Variants in SLC37A1 observed in about 807,000 individuals in gnomAD.
SLC37A1 encodes solute carrier family 37 member 1, also known as glucose-6-phosphate exchanger SLC37A1.
A neutral mutation model predicts 75.3 loss-of-function variants in SLC37A1; 49 were observed. The observed-to-expected ratio is 0.65, with a 90% confidence interval of 0.52 to 0.83. The LOEUF is 0.83. Ranked by LOEUF, SLC37A1 falls within the 40% of genes least tolerant of loss-of-function variation. The pLI, the probability that SLC37A1 is intolerant of heterozygous loss-of-function variation, is 0.00. For missense variants in SLC37A1, 566 were observed against 695.0 expected (o/e 0.81, Z 2.09); for synonymous variants, 268 against 292.1 (o/e 0.92, Z 0.84).
intron 2 of SLC37A1, chr21:42,502,794 A>C (rs2054352298): frequency 6.6e-6 from 1 of 152,222 alleles, no homozygotes; most frequent in Admixed American, 6.5e-5. Flanking sequence ...ACGTGTTTCC[A>C]GGTCAGCCTC....
At chr21:42,549,632 A>G (rs924224100) in intron 9 of SLC37A1, among the ~76,000 whole-genome samples, 3 of 152,218 alleles carry the variant, frequency 2.0e-5, no homozygotes, top group East Asian at 1.9e-4. Flanking sequence ...CAGGACACCA[A>G]CGAGACCCTT....
chr21:42,566,848 A>C (rs2055991339), intron 15 of SLC37A1, 137 bp from the exon 16 acceptor site: 1 of 805,362 alleles, frequency 1.2e-6, no homozygotes, highest in East Asian at 2.7e-5. Context: ...TTAGCTCCTC[A>C]CTAGACAAGT....
chr21:42,524,205 T>C (rs564591985), intron 2 of SLC37A1, among the ~76,000 whole-genome samples: 3 of 152,232 alleles, frequency 2.0e-5, no homozygotes, highest in Admixed American at 2.0e-4. Flanking sequence ...TTCTCCAGGG[T>C]AGGGAGATGT....
chr21:42,546,043 G>A (rs1354567803), intron 8 of SLC37A1, among the ~76,000 whole-genome samples: 1 of 152,246 alleles, frequency 6.6e-6, no homozygotes, highest in Non-Finnish European at 1.5e-5. Flanking sequence ...TATGGGAATG[G>A]ACTTGGCTGT....
In SLC37A1 at chr21:42,548,167, C is replaced by G. The variant is rs1361964949; in HGVS notation, c.768+1027C>G. 6.6e-6 allele frequency among the ~76,000 whole-genome samples: 1 copy of G among 152,178 alleles called. No individual in the cohort carries two copies. Among genetic ancestry groups the G allele is most frequent in the Admixed American group, 6.5e-5 (1 of 15,284 alleles). On this transcript the variant is annotated intron_variant, in intron 9 of 19. Transcript: ENST00000352133. The surrounding 1 kb of genome is among the most constrained non-coding windows in gnomAD (Gnocchi z 5.6). Reference sequence around the variant, plus strand: ...GCCCTGCGGCCTCCTCTCTCCTTGTCTGCCCGCTCACTGCAGGAGAGCGCG... The same window carrying G: ...GCCCTGCGGCCTCCTCTCTCCTTGTGTGCCCGCTCACTGCAGGAGAGCGCG...
intron 17 of SLC37A1, among the ~76,000 whole-genome samples, chr21:42,569,378 C>G (rs1270742519): frequency 9.2e-5 from 14 of 152,340 alleles, no homozygotes; most frequent in African/African-American, 3.1e-4. Flanking sequence ...ATGCAAAGCC[C>G]TCCCGCCACA....
At chr21:42,533,617 C>CG (rs2055054663) in intron 3 of SLC37A1, among the ~76,000 whole-genome samples, 3 of 151,142 alleles carry the variant, frequency 2.0e-5, no homozygotes, top group Non-Finnish European at 4.4e-5. Flanking sequence ...TGCCTCCCAA[C>CG]AAGAAGCACC....
At chr21:42,506,974 C>T (rs1327190022) in intron 2 of SLC37A1, among the ~76,000 whole-genome samples, 1 of 152,224 alleles carries the variant, frequency 6.6e-6, no homozygotes, top group Non-Finnish European at 1.5e-5. Flanking sequence ...CCTCTGCCTC[C>T]TGGGTTCAAA....
At chr21:42,506,542 C>T (rs1249461073) in intron 2 of SLC37A1, among the ~76,000 whole-genome samples, 1 of 152,164 alleles carries the variant, frequency 6.6e-6, no homozygotes, top group Non-Finnish European at 1.5e-5. Context: ...CTCCTGTGTG[C>T]CAGGCATGAT....
intron 19 of SLC37A1, 60 bp downstream of exon 19, chr21:42,579,860 C>T (rs2056387706): frequency 1.9e-6 from 3 of 1,543,858 alleles, no homozygotes; most frequent in African/African-American, 2.7e-5. Flanking sequence ...TGCCTTCTGT[C>T]CTATCTGCCT....
rs781587960 is a variant in SLC37A1, at chr21:42,543,574, G to C, written c.702G>C (p.Gly234=). The part of the protein sequence containing the change: ...VVPGAIVAAM[G]IVCFLFLIEH... ...CTGGAGCCATCGTGGCAGCCATGGG[G>C]ATAGTGTGCTTTCTCTTCCTCATTG... Residue 234 remains glycine, a synonymous_variant, in exon 8 of 20, where the codon GGG becomes GGC. Coordinates refer to ENST00000352133, the MANE Select transcript of SLC37A1 (RefSeq NM_001320537.2). 6.2e-7 allele frequency: 1 copy of C among 1,610,902 alleles called. No individual in the cohort carries two copies. Among genetic ancestry groups the C allele is most frequent in the Non-Finnish European group, 8.5e-7 (1 of 1,178,388 alleles).
chr21:42,550,930 A>G (rs1307235323), intron 9 of SLC37A1, among the ~76,000 whole-genome samples: 1 of 152,258 alleles, frequency 6.6e-6, no homozygotes, highest in Non-Finnish European at 1.5e-5. Flanking sequence ...CCTTGACCTG[A>G]CAAAGGGCAT....
At chr21:42,551,628 A>T (rs1245731191) in intron 9 of SLC37A1, among the ~76,000 whole-genome samples, 1 of 152,232 alleles carries the variant, frequency 6.6e-6, no homozygotes, top group Non-Finnish European at 1.5e-5. Flanking sequence ...ACAAATTTTT[A>T]AAATCTATAA....
chr21:42,538,197 C>G (rs1197856804), intron 5 of SLC37A1, among the ~76,000 whole-genome samples: 3 of 152,184 alleles, frequency 2.0e-5, no homozygotes, highest in African/African-American at 7.2e-5. Context: ...GTCAGCCAGC[C>G]TCTCAGGGAC....
intron 10 of SLC37A1, among the ~76,000 whole-genome samples, chr21:42,555,284 G>C (rs764571005): frequency 6.6e-6 from 1 of 152,022 alleles, no homozygotes; most frequent in Non-Finnish European, 1.5e-5. Flanking sequence ...CACCGCACCC[G>C]GCCTCTAAAT....
intron 5 of SLC37A1, among the ~76,000 whole-genome samples, chr21:42,538,459 G>C (rs569759569): frequency 6.6e-6 from 1 of 152,310 alleles, no homozygotes; most frequent in Admixed American, 6.5e-5. Flanking sequence ...TGAGAACATT[G>C]GAGCTGACTC....
intron 11 of SLC37A1, 67 bp from the exon 12 acceptor site, chr21:42,562,011 G>C: frequency 7.7e-7 from 1 of 1,302,426 alleles, no homozygotes; most frequent in Non-Finnish European, 1.1e-6. Flanking sequence ...ATTTAACTCT[G>C]TTGCATGTTT....
chr21:42,537,405 A>C (rs1004792327), intron 5 of SLC37A1, among the ~76,000 whole-genome samples: 18 of 152,200 alleles, frequency 1.2e-4, no homozygotes, highest in African/African-American at 4.3e-4. Flanking sequence ...ACTGAACACA[A>C]ATAATCTGTG....
intron 3 of SLC37A1, among the ~76,000 whole-genome samples, chr21:42,534,119 C>CGGTACCA (rs2055068964): frequency 6.6e-6 from 1 of 152,198 alleles, no homozygotes; most frequent in Non-Finnish European, 1.5e-5. Context: ...ACATTGTCCC[C>CGGTACCA]CTTTAGGTAA....
Sources: allele counts gnomAD v4.1 joint callset (sites outside exome capture counted in the v4.1 genomes callset), GRCh38; gene constraint gnomAD v4.1.1; non-coding constraint Gnocchi (gnomAD v3.1); transcripts MANE v1.5; gene names NCBI Gene and HGNC (gene_info 2026-07-23, HGNC 2026-07-21).